TMEM51: variants seen among roughly 807,000 people sequenced by gnomAD.
The protein encoded by TMEM51 is transmembrane protein 51.
TMEM51 carries 8 observed loss-of-function variants against 13.6 expected under a neutral mutation model. The ratio of observed to expected loss-of-function variants is 0.59; its 90% CI spans 0.35 to 1.07. The LOEUF is 1.07. Ranked by LOEUF, TMEM51 falls within the 50% of genes least tolerant of loss-of-function variation. TMEM51 has a pLI of 0.02. For synonymous variants in TMEM51, 147 were observed against 144.4 expected, an observed-to-expected ratio of 1.02 and a Z score of -0.13; for missense variants, 279 against 330.7, an observed-to-expected ratio of 0.84 and a Z score of 1.21.
intron 1 of TMEM51, among the ~76,000 whole-genome samples, chr1:15,172,634 T>A (rs1002447297): frequency 6.6e-6 from 1 of 152,194 alleles, no homozygotes; most frequent in Non-Finnish European, 1.5e-5. Flanking sequence ...CCCTTTATGA[T>A]CCTATATTGT....
At chr1:15,169,920 C>T (rs1213377546) in intron 1 of TMEM51, among the ~76,000 whole-genome samples, 1 of 151,958 alleles carries the variant, frequency 6.6e-6, no homozygotes, top group Non-Finnish European at 1.5e-5. Flanking sequence ...TCCCTTTCTC[C>T]CTGTCTTCTC....
intron 1 of TMEM51, among the ~76,000 whole-genome samples, chr1:15,190,407 G>A (rs1442453688): frequency 6.6e-6 from 1 of 152,098 alleles, no homozygotes; most frequent in Non-Finnish European, 1.5e-5. Flanking sequence ...GATAAAATGT[G>A]TACTCCTCCC....
At chr1:15,199,027 G>A (rs953044021) in intron 1 of TMEM51, among the ~76,000 whole-genome samples, 2 of 152,208 alleles carry the variant, frequency 1.3e-5, no homozygotes, top group African/African-American at 2.4e-5. Flanking sequence ...TTTCCAGCAT[G>A]GAAGTTTCAC....
intron 1 of TMEM51, chr1:15,191,766 A>C: frequency 3.2e-6 from 1 of 313,948 alleles, no homozygotes; most frequent in Non-Finnish European, 6.4e-6. Context: ...TGAAGTTTGC[A>C]AATCTTTTTA....
intron 1 of TMEM51, among the ~76,000 whole-genome samples, chr1:15,191,496 C>T (rs538170711): frequency 1.3e-5 from 2 of 152,316 alleles, no homozygotes; most frequent in Admixed American, 1.3e-4. Flanking sequence ...TGGTCCAAGT[C>T]GCCTCACCTG....
chr1:15,183,499 G>A (rs960576671), intron 1 of TMEM51, among the ~76,000 whole-genome samples: 1 of 152,198 alleles, frequency 6.6e-6, no homozygotes, highest in Non-Finnish European at 1.5e-5. Context: ...TATCTATCTC[G>A]CCTATAGGTT....
chr1:15,168,943 C>T (rs1331563859), intron 1 of TMEM51, among the ~76,000 whole-genome samples: 2 of 152,150 alleles, frequency 1.3e-5, no homozygotes, highest in Admixed American at 6.6e-5. Context: ...TCATTTGATG[C>T]TCAAAACAGT....
At chr1:15,217,789 G>A (rs1030132420) in intron 3 of TMEM51, among the ~76,000 whole-genome samples, 3 of 152,140 alleles carry the variant, frequency 2.0e-5, no homozygotes, top group African/African-American at 7.2e-5. Flanking sequence ...ACCACACTGA[G>A]GAGGGGAATC....
At chr1:15,176,522 G>A (rs78767991) in intron 1 of TMEM51, among the ~76,000 whole-genome samples, 2,396 of 152,306 alleles carry the variant, frequency 0.016, 50 homozygotes, top group African/African-American at 0.05. Context: ...ATGGGGTAGG[G>A]GAGGAGAGAA....
intron 1 of TMEM51, among the ~76,000 whole-genome samples, chr1:15,191,677 C>T (rs576430036): frequency 1.3e-5 from 2 of 152,306 alleles, no homozygotes; most frequent in East Asian, 3.9e-4. Flanking sequence ...CCTCAGCCTC[C>T]GTGTTCCTAG....
intron 1 of TMEM51, among the ~76,000 whole-genome samples, chr1:15,166,474 C>G (rs1557832821): frequency 6.6e-6 from 1 of 152,212 alleles, no homozygotes; most frequent in African/African-American, 2.4e-5. Context: ...AATCCCAGCA[C>G]TTTGGGAGGC....
At position 15,168,703 on chromosome 1, in the gene TMEM51, C is replaced by T. The variant is rs1396967659; in HGVS notation, c.-267+14749C>T. On this transcript the variant is annotated intron_variant, in intron 1 of 3. Transcript: ENST00000376008. The stretch of plus-strand genomic sequence containing the variant: ...GCTTAGAACACGCGTACTGTCTCTC[C>T]CAGGGTGAGCCAGTGACTGGGAACG... 8 of 1,304,340 alleles carry T rather than the reference C, an allele frequency of 6.1e-6. No individual in the cohort carries two copies. The Admixed American group carries it at 6.9e-5, about 11-fold the overall frequency. The allele number at this position is 1,304,340 out of a possible 1,614,324, so 80.8% of individuals were successfully genotyped here.
chr1:15,168,631 C>G, intron 1 of TMEM51: 3 of 1,304,418 alleles, frequency 2.3e-6, no homozygotes, highest in South Asian at 2.5e-5. Flanking sequence ...TTCAACCTTG[C>G]CTGTGTGTTT....
intron 1 of TMEM51, among the ~76,000 whole-genome samples, chr1:15,155,928 G>A (rs1416638931): frequency 2.6e-5 from 4 of 152,164 alleles, no homozygotes; most frequent in African/African-American, 9.7e-5. Flanking sequence ...GATAATCCTG[G>A]CTGCCTGGAA....
At chr1:15,173,411 G>A (rs1643361096) in intron 1 of TMEM51, among the ~76,000 whole-genome samples, 1 of 151,704 alleles carries the variant, frequency 6.6e-6, no homozygotes, top group Non-Finnish European at 1.5e-5. Context: ...AGTAGAGACG[G>A]GGTTTCACCA....
intron 1 of TMEM51, among the ~76,000 whole-genome samples, chr1:15,178,487 T>C (rs974001714): frequency 6.6e-6 from 1 of 152,222 alleles, no homozygotes; most frequent in African/African-American, 2.4e-5. Flanking sequence ...GGCCCAAGAA[T>C]CTGCATGTTT....
chr1:15,188,106 G>A (rs568468529), intron 1 of TMEM51, among the ~76,000 whole-genome samples: 1 of 152,246 alleles, frequency 6.6e-6, no homozygotes, highest in Non-Finnish European at 1.5e-5. Flanking sequence ...ACATTGCTAG[G>A]TCCAGCTGGA....
intron 1 of TMEM51, among the ~76,000 whole-genome samples, chr1:15,172,895 G>A (rs765371400): frequency 2.6e-5 from 4 of 152,146 alleles, no homozygotes; most frequent in Admixed American, 1.3e-4. Flanking sequence ...ACTTAGGAGC[G>A]GTCTGGGTTA....
In TMEM51 at chr1:15,193,575, C is replaced by CTTTCTTTTTT. The variant is rs1249772503; in HGVS notation, c.-266-16912_-266-16911insCTTTTTTTTT. On this transcript the variant is annotated intron_variant, in intron 1 of 3. Transcript: ENST00000376008. ...CATTTTCTTTTTCTTTTCTTTCTTTCTTTTTTTTTTTTTTTTTTTTGAGAC... is the reference window on the plus strand; with the variant it reads ...CATTTTCTTTTTCTTTTCTTTCTTTCTTTCTTTTTTTTTTTTTTTTTTTTTTTTTTGAGAC... 4.4e-4 allele frequency among the ~76,000 whole-genome samples: 51 copies of CTTTCTTTTTT among 114,642 alleles called. 2 individuals are homozygous for CTTTCTTTTTT. Among genetic ancestry groups the CTTTCTTTTTT allele is most frequent in the African/African-American group, 1.7e-3 (48 of 28,100 alleles). 75.2% of individuals were successfully genotyped at this position (114,642 alleles called of 152,430 possible). A position where few individuals can be genotyped will look rare whatever the true frequency, so the allele number is the denominator to read the frequency against.
Sources: gnomAD v4.1 joint callset for allele counts (sites outside exome capture counted in the v4.1 genomes callset) on GRCh38, gnomAD v4.1.1 for gene constraint, MANE v1.5 for transcripts, NCBI Gene and HGNC (gene_info 2026-07-23, HGNC 2026-07-21) for gene names.